Variants in MDGA2 observed in about 807,000 individuals in gnomAD.
MDGA2 encodes MAM domain-containing glycosylphosphatidylinositol anchor protein 2.
MDGA2 carries 40 observed loss-of-function variants against 117.8 expected under a neutral mutation model. That is an observed-to-expected ratio of 0.34 (90% CI 0.26 to 0.44). The LOEUF is 0.44. MDGA2 is among the 20% of genes least tolerant of loss of function. The pLI, the probability that MDGA2 is intolerant of heterozygous loss-of-function variation, is 1.00. For synonymous variants in MDGA2, 452 were observed against 439.0 expected, an observed-to-expected ratio of 1.03 and a Z score of -0.37; for missense variants, 1,123 against 1,250.6, an observed-to-expected ratio of 0.90 and a Z score of 1.54.
intron 16 of MDGA2, among the ~76,000 whole-genome samples, chr14:46,842,993 T>G (rs1880678839): frequency 1.3e-5 from 2 of 152,190 alleles, no homozygotes; most frequent in Admixed American, 6.5e-5. Flanking sequence ...AACAGAAAAC[T>G]TTCTGATGCC....
At chr14:46,921,001 G>A (rs193301011) in intron 9 of MDGA2, among the ~76,000 whole-genome samples, 167 of 152,126 alleles carry the variant, frequency 1.1e-3, no homozygotes, top group African/African-American at 3.8e-3. Flanking sequence ...TTTCTTAATT[G>A]CCAAAATGAA....
chr14:47,301,178 CT>C (rs1032410754), intron 2 of MDGA2, among the ~76,000 whole-genome samples: 40 of 151,910 alleles, frequency 2.6e-4, no homozygotes, highest in African/African-American at 8.9e-4. Flanking sequence ...ACAAAAATTT[CT>C]TTTTTCATCT....
chr14:47,301,903 G>A (rs538224138), intron 1 of MDGA2, among the ~76,000 whole-genome samples: 50 of 152,256 alleles, frequency 3.3e-4, no homozygotes, highest in African/African-American at 1.2e-3. Flanking sequence ...CCAAAAATAT[G>A]TAGTGCAAAA....
At position 47,131,834 on chromosome 14, in the gene MDGA2, T is replaced by A. The variant is rs1166325654; in HGVS notation, c.805A>T (p.Ile269Phe). The change falls in exon 5 of 17, where the codon ATC becomes TTC. Residue 269 changes from isoleucine to phenylalanine, a missense_variant. Around this residue, in one of 2 missense-constraint regions of MDGA2, gnomAD observed 890 missense variants for 1,050.3 expected, o/e 0.85. Coordinates refer to ENST00000399232, the MANE Select transcript of MDGA2 (RefSeq NM_001113498.3). ...GGTCGAAGATTCTTTAGTTTTAAGA[T>A]CTTTGTTTCACCCTGAAAATGTACA... is the stretch of plus-strand genomic sequence containing the variant. ...EPFFTQGETK[I>F]LKLKNLRPQD... 6.3e-7 allele frequency: 1 copy of A among 1,577,842 alleles called. No individual in the cohort carries two copies. Among genetic ancestry groups the A allele is most frequent in the Non-Finnish European group, 8.7e-7 (1 of 1,154,208 alleles).
intron 1 of MDGA2, among the ~76,000 whole-genome samples, chr14:47,650,864 T>G (rs1198502979): frequency 6.6e-6 from 1 of 152,214 alleles, no homozygotes; most frequent in African/African-American, 2.4e-5. Flanking sequence ...GTGACAGTTT[T>G]CTTTTTGCAA....
chr14:47,290,764 TA>T (rs1299886688), intron 2 of MDGA2, among the ~76,000 whole-genome samples: 2 of 149,876 alleles, frequency 1.3e-5, no homozygotes, highest in African/African-American at 4.9e-5. Context: ...GGAAACCATG[TA>T]GAGGATTTAG....
rs566196301 is a variant in MDGA2, at chr14:46,861,679, C to A, written c.2753-6525G>T. Among the ~76,000 whole-genome samples, 15 of 151,832 alleles carry A rather than the reference C, an allele frequency of 9.9e-5. No homozygotes were observed. The South Asian group carries it at 2.9e-3, about 29-fold the overall frequency. The stretch of plus-strand genomic sequence containing the variant: ...GAAATAAATCTTTCAAATATAATTT[C>A]AATGTTTTACATATATAGTAATAAT... On this transcript the variant is annotated intron_variant, in intron 14 of 16. Transcript: ENST00000399232.
At chr14:46,976,221 A>G (rs1886454310) in intron 8 of MDGA2, among the ~76,000 whole-genome samples, 1 of 152,120 alleles carries the variant, frequency 6.6e-6, no homozygotes, top group Non-Finnish European at 1.5e-5. Context: ...ATTTTATATT[A>G]TGTGTATTTT....
At chr14:47,323,291 G>C (rs1890044359) in intron 1 of MDGA2, among the ~76,000 whole-genome samples, 1 of 151,116 alleles carries the variant, frequency 6.6e-6, no homozygotes, top group Non-Finnish European at 1.5e-5. Flanking sequence ...GGCTTGACTT[G>C]ATTAGTAGAT....
At chr14:47,191,769 G>A (rs987878213) in intron 3 of MDGA2, among the ~76,000 whole-genome samples, 3 of 152,092 alleles carry the variant, frequency 2.0e-5, no homozygotes, top group African/African-American at 7.2e-5. Flanking sequence ...ATCTCCTGAT[G>A]TACCGCAGTC....
At chr14:47,306,637 C>T (rs1889454994) in intron 1 of MDGA2, among the ~76,000 whole-genome samples, 2 of 152,262 alleles carry the variant, frequency 1.3e-5, no homozygotes, top group South Asian at 4.1e-4. Context: ...TGCTACTCTT[C>T]CACACTAGGT....
chr14:47,440,004 G>T (rs1189507500), intron 1 of MDGA2, among the ~76,000 whole-genome samples: 1 of 151,876 alleles, frequency 6.6e-6, no homozygotes, highest in Non-Finnish European at 1.5e-5. Context: ...TGCACCTGGT[G>T]TGCACTGTTC....
chr14:47,637,192 A>C (rs1897338825), intron 1 of MDGA2, among the ~76,000 whole-genome samples: 1 of 152,160 alleles, frequency 6.6e-6, no homozygotes, highest in South Asian at 2.1e-4. Flanking sequence ...GGGTATGTAT[A>C]TGAAGTGGAA....
chr14:47,162,486 T>C (rs981629079), intron 3 of MDGA2, among the ~76,000 whole-genome samples: 2 of 152,174 alleles, frequency 1.3e-5, no homozygotes, highest in African/African-American at 4.8e-5. Context: ...ATAAGAACTC[T>C]GATATAAATC....
chr14:47,592,569 A>G (rs921514787), intron 1 of MDGA2, among the ~76,000 whole-genome samples: 1 of 152,130 alleles, frequency 6.6e-6, no homozygotes, highest in Non-Finnish European at 1.5e-5. Flanking sequence ...TAGAGATCTC[A>G]GAAGTAAGAC....
chr14:47,187,089 A>C (rs979395926), intron 3 of MDGA2, among the ~76,000 whole-genome samples: 2 of 151,910 alleles, frequency 1.3e-5, no homozygotes, highest in African/African-American at 4.8e-5. Context: ...CAATTTTCCC[A>C]ATTGTAAGAA....
intron 8 of MDGA2, 128 bp downstream of exon 8, chr14:47,034,883 C>T: frequency 1.2e-6 from 1 of 804,316 alleles, no homozygotes; most frequent in East Asian, 2.6e-5. Flanking sequence ...TTCATTCAAT[C>T]CAATGTAGAA....
chr14:46,984,256 T>C (rs1886786836), intron 8 of MDGA2, among the ~76,000 whole-genome samples: 1 of 152,050 alleles, frequency 6.6e-6, no homozygotes, highest in South Asian at 2.1e-4. Context: ...CTCAAACTGC[T>C]TCACTTCCTC....
intron 1 of MDGA2, among the ~76,000 whole-genome samples, chr14:47,448,399 C>T (rs763138401): frequency 1.1e-4 from 16 of 152,088 alleles, no homozygotes; most frequent in Non-Finnish European, 2.2e-4. Context: ...CTTGGCCTCC[C>T]AAAGTGCTGG....
Sources: allele counts gnomAD v4.1 joint callset (sites outside exome capture counted in the v4.1 genomes callset), GRCh38; gene constraint gnomAD v4.1.1; regional missense constraint gnomAD v4.1.1; transcripts MANE v1.5; gene names NCBI Gene and HGNC (gene_info 2026-07-23, HGNC 2026-07-21).